Variants in GALNT10 observed in about 807,000 individuals in gnomAD.
GALNT10 encodes polypeptide N-acetylgalactosaminyltransferase 10.
A neutral mutation model predicts 75.0 loss-of-function variants in GALNT10; 41 were observed. That is an observed-to-expected ratio of 0.55 (90% CI 0.43 to 0.71). The LOEUF is 0.71. GALNT10 is among the 30% of genes least tolerant of loss of function. The probability of loss-of-function intolerance (pLI) is 0.00; values close to 1 mark genes in which losing one functional copy is unlikely to be tolerated. For synonymous variants in GALNT10, 302 were observed against 313.0 expected (o/e 0.96, Z 0.37); for missense variants, 727 against 818.5 (o/e 0.89, Z 1.36).
chr5:154,404,013 C>G (rs1756220536), intron 7 of GALNT10, 91 bp from the exon 8 acceptor site: 1 of 948,568 alleles, frequency 1.1e-6, no homozygotes, highest in African/African-American at 1.6e-5. Context: ...CAGGCTGATG[C>G]TTTTGCTGAG....
At chr5:154,271,785 G>A (rs924805233) in intron 1 of GALNT10, among the ~76,000 whole-genome samples, 6 of 152,202 alleles carry the variant, frequency 3.9e-5, no homozygotes, top group Admixed American at 6.5e-5. Flanking sequence ...TAGAGTCCAC[G>A]CTGAGGTTCA....
At chr5:154,295,976 A>G (rs1754265811) in intron 2 of GALNT10, among the ~76,000 whole-genome samples, 1 of 152,234 alleles carries the variant, frequency 6.6e-6, no homozygotes, top group Non-Finnish European at 1.5e-5. Context: ...CCAGCTTACC[A>G]CAAGGCTCTG....
chr5:154,192,222 C>T (rs1024092600), intron 1 of GALNT10, among the ~76,000 whole-genome samples: 1 of 152,228 alleles, frequency 6.6e-6, no homozygotes, highest in Non-Finnish European at 1.5e-5. Flanking sequence ...GCATCTGGAG[C>T]ACAGAGGGCT....
At chr5:154,391,189 C>T (rs1035479324) in intron 7 of GALNT10, among the ~76,000 whole-genome samples, 6 of 152,212 alleles carry the variant, frequency 3.9e-5, no homozygotes, top group African/African-American at 1.4e-4. Context: ...TGCTGGAATG[C>T]AGGTGTTCTC....
At chr5:154,394,536 C>T (rs1389387681) in intron 7 of GALNT10, among the ~76,000 whole-genome samples, 1 of 152,058 alleles carries the variant, frequency 6.6e-6, no homozygotes, top group African/African-American at 2.4e-5. Flanking sequence ...TGCCCTGGCT[C>T]CAAGCCCAGT....
chr5:154,413,504 A>G (rs891529058), intron 10 of GALNT10, among the ~76,000 whole-genome samples: 2 of 152,220 alleles, frequency 1.3e-5, no homozygotes, highest in Non-Finnish European at 2.9e-5. Context: ...TGATGAGGAC[A>G]GAGCCGTCAC....
At chr5:154,230,167 A>C (rs2113661981) in intron 1 of GALNT10, among the ~76,000 whole-genome samples, 1 of 152,238 alleles carries the variant, frequency 6.6e-6, no homozygotes, top group East Asian at 1.9e-4. Flanking sequence ...AAATACTATA[A>C]TCCTGTGTAC....
At chr5:154,324,045 G>A (rs1754716908) in intron 3 of GALNT10, among the ~76,000 whole-genome samples, 1 of 152,242 alleles carries the variant, frequency 6.6e-6, no homozygotes, top group African/African-American at 2.4e-5. Context: ...CCTCATGGTT[G>A]AGAGGGCAAG....
At chr5:154,371,563 T>TCAC (rs1002294143) in intron 4 of GALNT10, among the ~76,000 whole-genome samples, 2 of 50,972 alleles carry the variant, frequency 3.9e-5, no homozygotes, top group Admixed American at 1.7e-4. Flanking sequence ...TGTGTGTGTG[T>TCAC]ACACACACAC....
chr5:154,307,413 G>A (rs1236474347), intron 3 of GALNT10, among the ~76,000 whole-genome samples: 3 of 152,134 alleles, frequency 2.0e-5, no homozygotes, highest in Non-Finnish European at 4.4e-5. Flanking sequence ...GAGGTCAGGA[G>A]ATTGAGACCA....
At chr5:154,265,892 T>A (rs1242430694) in intron 1 of GALNT10, among the ~76,000 whole-genome samples, 1 of 125,972 alleles carries the variant, frequency 7.9e-6, no homozygotes, top group Non-Finnish European at 1.7e-5. Context: ...TTGAGACATG[T>A]TTCAATCTCA....
rs544228747 is a variant in GALNT10 at position 154,232,921 on chromosome 5, G to C, written c.159+41896G>C. Among the ~76,000 whole-genome samples the C allele has an allele frequency of 3.0e-4, 45 of 152,210 alleles. 1 individual carries two copies. The South Asian group carries it at 8.1e-3, about 27-fold the overall frequency. Reference sequence around the variant, plus strand: ...TTAAAATATCTTTAGAATATGGAAGGGAGAATTACTCTAGAGTAGTTAACA... The same window carrying C: ...TTAAAATATCTTTAGAATATGGAAGCGAGAATTACTCTAGAGTAGTTAACA... On this transcript the variant is annotated intron_variant, in intron 1 of 11. Coordinates refer to ENST00000297107, the MANE Select transcript of GALNT10 (RefSeq NM_198321.4).
intron 1 of GALNT10, among the ~76,000 whole-genome samples, chr5:154,274,747 T>G (rs1274501686): frequency 1.3e-5 from 2 of 152,218 alleles, no homozygotes; most frequent in Non-Finnish European, 2.9e-5. Flanking sequence ...GTTTATCTAA[T>G]GTAATAAACT....
intron 1 of GALNT10, among the ~76,000 whole-genome samples, chr5:154,195,107 A>G (rs562474551): frequency 6.6e-6 from 1 of 152,248 alleles, no homozygotes; most frequent in South Asian, 2.1e-4. Context: ...AATGAAAAGC[A>G]AAAGCCCATT....
At chr5:154,413,599 G>A (rs772661404) in intron 10 of GALNT10, among the ~76,000 whole-genome samples, 4 of 152,350 alleles carry the variant, frequency 2.6e-5, no homozygotes, top group Middle Eastern at 3.4e-3. Context: ...TGGGTGGGAT[G>A]CAGAGGGTAA....
At chr5:154,250,346 T>C (rs891861586) in intron 1 of GALNT10, among the ~76,000 whole-genome samples, 1 of 152,206 alleles carries the variant, frequency 6.6e-6, no homozygotes, top group Admixed American at 6.5e-5. Context: ...TGCATCATTT[T>C]GGCTGCTTCA....
At chr5:154,196,312 A>C (rs2113638999) in intron 1 of GALNT10, among the ~76,000 whole-genome samples, 1 of 152,352 alleles carries the variant, frequency 6.6e-6, no homozygotes, top group Middle Eastern at 3.4e-3. Flanking sequence ...TGGGAAGTAC[A>C]TGGCACCATT....
In GALNT10 at chr5:154,216,796, T is replaced by A. The variant is rs1752880693; in HGVS notation, c.159+25771T>A. 2.0e-5 allele frequency among the ~76,000 whole-genome samples: 3 copies of A among 152,314 alleles called. No individual in the cohort carries two copies. The South Asian group carries it at 6.2e-4, about 32-fold the overall frequency. Reference sequence around the variant, plus strand: ...GTGGACTATATAACAAGATCGTATTTGCACAAGAAGGCCTACTTACTGGCA... The same window carrying A: ...GTGGACTATATAACAAGATCGTATTAGCACAAGAAGGCCTACTTACTGGCA... On this transcript the variant is annotated intron_variant, in intron 1 of 11. Coordinates refer to ENST00000297107, the MANE Select transcript of GALNT10 (RefSeq NM_198321.4).
At chr5:154,328,770 A>G (rs1210031052) in intron 3 of GALNT10, among the ~76,000 whole-genome samples, 1 of 152,240 alleles carries the variant, frequency 6.6e-6, no homozygotes, top group African/African-American at 2.4e-5. Flanking sequence ...ATTATCTGCC[A>G]GAGTGTCTCA....
Sources: allele counts gnomAD v4.1 joint callset (sites outside exome capture counted in the v4.1 genomes callset), GRCh38; gene constraint gnomAD v4.1.1; transcripts MANE v1.5; gene names NCBI Gene and HGNC (gene_info 2026-07-23, HGNC 2026-07-21).